SIPA1L2: variants seen among roughly 807,000 people sequenced by gnomAD.
SIPA1L2 encodes the protein signal induced proliferation associated 1 like 2.
In SIPA1L2, 56 loss-of-function variants were observed where a neutral mutation model predicts 163.9. The ratio of observed to expected loss-of-function variants is 0.34; its 90% CI spans 0.28 to 0.43. The LOEUF is 0.43. SIPA1L2 is among the 20% of genes least tolerant of loss of function. The pLI, the probability that SIPA1L2 is intolerant of heterozygous loss-of-function variation, is 1.00. For synonymous variants in SIPA1L2, 877 were observed against 865.7 expected (o/e 1.01, Z -0.23); for missense variants, 1,974 against 2,193.5 (o/e 0.90, Z 2.00).
At position 232,515,232 on chromosome 1, in the gene SIPA1L2, C is replaced by A; in HGVS notation, c.108G>T (p.Arg36=). 6.2e-7 allele frequency: 1 copy of A among 1,614,118 alleles called. No individual in the cohort carries two copies. The highest frequency in any genetic ancestry group is 8.5e-7 in the Non-Finnish European group (1 of 1,180,020). Residue 36 remains arginine, a synonymous_variant, in exon 3 of 23, where the codon CGG becomes CGT. Transcript: ENST00000674635. ...TGTTGCCATTAATGGCTTTAAATTT[C>A]CGAGCAAAATAATCATCTGACTGCA... is the stretch of plus-strand genomic sequence containing the variant. ...RIMQSDDYFA[R]KFKAINGNMG... is the part of the protein sequence containing the mutation.
intron 3 of SIPA1L2, among the ~76,000 whole-genome samples, chr1:232,507,484 C>T (rs1268242350): frequency 6.6e-6 from 1 of 152,166 alleles, no homozygotes; most frequent in Non-Finnish European, 1.5e-5. Context: ...AAGTGAGTCA[C>T]TAAATGCAGC....
chr1:232,564,149 CGTGTGTGTGTGTGT>C (rs560949113), intron 2 of SIPA1L2, among the ~76,000 whole-genome samples: 942 of 44,610 alleles, frequency 0.021, 126 homozygotes, highest in African/African-American at 0.079. Flanking sequence ...TTTTTTTTTT[CGTGTGTGTGTGTGT>C]GTGTGTGTGT....
rs375774552 is a variant in SIPA1L2 at position 232,439,310 on chromosome 1, T to A, written c.3829A>T (p.Ile1277Phe). 1.9e-6 allele frequency: 3 copies of A among 1,614,112 alleles called. No individual in the cohort carries two copies. The highest frequency in any genetic ancestry group is 2.5e-6 in the Non-Finnish European group (3 of 1,180,014). Residue 1277 changes from isoleucine (I) to phenylalanine (F), a missense_variant, in exon 15 of 23, where the codon ATC becomes TTC. Ile to Phe is a conservative substitution (Grantham distance 21). Transcript: ENST00000674635. ...CCTGCCAGGTGCACAGGGCCGAGGA[T>A]GGTGGCAGGCATGCAGGGGGCCGTG... is the stretch of plus-strand genomic sequence containing the variant. ...IDTAPCMPATILGPVHLAGSR... is the reference protein window; with the variant it reads ...IDTAPCMPATFLGPVHLAGSR...
chr1:232,576,749 G>T (rs1038801409), intron 1 of SIPA1L2, among the ~76,000 whole-genome samples: 2 of 152,232 alleles, frequency 1.3e-5, no homozygotes, highest in Non-Finnish European at 2.9e-5. Flanking sequence ...TGGTACTTCA[G>T]TGAACACACA....
chr1:232,473,658 C>T (rs1019620425), intron 7 of SIPA1L2, among the ~76,000 whole-genome samples: 1 of 152,194 alleles, frequency 6.6e-6, no homozygotes, highest in Non-Finnish European at 1.5e-5. Flanking sequence ...TGACAACATG[C>T]CAAACCACTG....
chr1:232,562,564 G>A (rs888643865), intron 2 of SIPA1L2, among the ~76,000 whole-genome samples: 9 of 152,204 alleles, frequency 5.9e-5, no homozygotes, highest in African/African-American at 2.2e-4. Context: ...TTTATAATGA[G>A]AATTTTTTTC....
At chr1:232,509,142 G>C (rs1018605879) in intron 3 of SIPA1L2, among the ~76,000 whole-genome samples, 1 of 152,160 alleles carries the variant, frequency 6.6e-6, no homozygotes, top group Admixed American at 6.5e-5. Context: ...GATTTGCCTG[G>C]GCAAGCGATG....
intron 1 of SIPA1L2, among the ~76,000 whole-genome samples, chr1:232,621,019 C>G (rs557633498): frequency 6.6e-6 from 1 of 152,290 alleles, no homozygotes; most frequent in African/African-American, 2.4e-5. Flanking sequence ...TTATGCAAAT[C>G]TAGCAAAATA....
At position 232,486,230 on chromosome 1, in the gene SIPA1L2, T is replaced by A. The variant is rs77745256; in HGVS notation, c.1807-2264A>T. On this transcript the variant is annotated intron_variant, in intron 5 of 22. Coordinates refer to ENST00000674635, the MANE Select transcript of SIPA1L2 (RefSeq NM_020808.5). The stretch of plus-strand genomic sequence containing the variant: ...AGAGCCGTCACCAGCCTGGCTCACT[T>A]CCTCTCTGACTCGGAGAGCCTTGTG... Among the ~76,000 whole-genome samples the A allele has an allele frequency of 6.2e-3, 941 of 152,274 alleles. 4 individuals are homozygous for A. The highest frequency in any genetic ancestry group is 9.8e-3 in the Non-Finnish European group (668 of 68,020).
chr1:232,593,920 G>A (rs2102834576), intron 1 of SIPA1L2, among the ~76,000 whole-genome samples: 1 of 152,304 alleles, frequency 6.6e-6, no homozygotes, highest in South Asian at 2.1e-4. Context: ...AGTCTAAATG[G>A]CCCAGCCTCA....
intron 2 of SIPA1L2, among the ~76,000 whole-genome samples, chr1:232,557,745 G>T (rs1341386336): frequency 6.6e-6 from 1 of 152,186 alleles, no homozygotes; most frequent in African/African-American, 2.4e-5. Flanking sequence ...GTAGAAATCA[G>T]AGAAACCTGG....
intron 18 of SIPA1L2, among the ~76,000 whole-genome samples, chr1:232,423,914 C>T (rs1036329888): frequency 1.3e-5 from 2 of 152,018 alleles, no homozygotes; most frequent in South Asian, 2.1e-4. Flanking sequence ...TCCAACTATA[C>T]GACATTCTAG....
intron 16 of SIPA1L2, among the ~76,000 whole-genome samples, chr1:232,428,992 C>A (rs1050364391): frequency 6.6e-6 from 1 of 152,184 alleles, no homozygotes; most frequent in Non-Finnish European, 1.5e-5. Flanking sequence ...GAGAGGAAGC[C>A]ACCCGAGGGA....
rs1029119599 is a variant in SIPA1L2 at position 232,586,450 on chromosome 1, A to C, written c.-318-12228T>G. Among the ~76,000 whole-genome samples, 6 of 152,166 alleles carry C rather than the reference A, an allele frequency of 3.9e-5. No homozygotes were observed. The East Asian group carries it at 7.7e-4, about 20-fold the overall frequency. On this transcript the variant is annotated intron_variant, in intron 1 of 22. Transcript: ENST00000674635. ...ATTGAAGAGCACCTGGCTTCCTCCC[A>C]AAAGGCTCCAAAGACCGAACGACTC...
At chr1:232,533,451 AT>A (rs1174884857) in intron 2 of SIPA1L2, among the ~76,000 whole-genome samples, 3 of 152,204 alleles carry the variant, frequency 2.0e-5, no homozygotes, top group Non-Finnish European at 4.4e-5. Context: ...GGGCGGGGCA[AT>A]GATCTCTACA....
chr1:232,421,659 T>A (rs368022933), intron 18 of SIPA1L2, among the ~76,000 whole-genome samples: 1 of 152,188 alleles, frequency 6.6e-6, no homozygotes, highest in Non-Finnish European at 1.5e-5. Flanking sequence ...TGGTGGTTGG[T>A]AGTCCTTATC....
intron 2 of SIPA1L2, among the ~76,000 whole-genome samples, chr1:232,538,963 G>C (rs2103102332): frequency 6.6e-6 from 1 of 152,358 alleles, no homozygotes; most frequent in South Asian, 2.1e-4. Context: ...TTCCCAAGAT[G>C]CAAGTTTTAT....
At chr1:232,541,289 A>AACATAACATG in intron 2 of SIPA1L2, among the ~76,000 whole-genome samples, 1 of 148,680 alleles carries the variant, frequency 6.7e-6, no homozygotes, top group East Asian at 1.9e-4. Flanking sequence ...AACATAACAT[A>AACATAACATG]ACATAACATA....
intron 3 of SIPA1L2, among the ~76,000 whole-genome samples, chr1:232,506,800 T>C (rs1335101632): frequency 1.3e-5 from 2 of 152,224 alleles, no homozygotes; most frequent in African/African-American, 4.8e-5. Context: ...GCTTTGTTAT[T>C]TATAGGAACT....
Sources: gnomAD v4.1 joint callset for allele counts (sites outside exome capture counted in the v4.1 genomes callset) on GRCh38, gnomAD v4.1.1 for gene constraint, MANE v1.5 for transcripts, NCBI Gene and HGNC (gene_info 2026-07-23, HGNC 2026-07-21) for gene names.